Variants in MAGI1 observed in about 807,000 individuals in gnomAD.
MAGI1 encodes the protein membrane associated guanylate kinase, WW and PDZ domain containing 1.
Under a neutral mutation model 139.9 loss-of-function variants are expected in MAGI1, and 58 were observed. The ratio of observed to expected loss-of-function variants is 0.41; its 90% confidence interval spans 0.34 to 0.52. The LOEUF is 0.52. Among genes scored for constraint, MAGI1 ranks in the 20% least tolerant of loss-of-function variants. The pLI is 0.12. For missense variants in MAGI1, 1,874 were observed against 1,901.6 expected, an observed-to-expected ratio of 0.99 and a Z score of 0.27; for synonymous variants, 812 against 737.9, an observed-to-expected ratio of 1.10 and a Z score of -1.63.
intron 1 of MAGI1, among the ~76,000 whole-genome samples, chr3:65,757,180 T>C (rs1577018993): frequency 1.3e-5 from 2 of 152,210 alleles, no homozygotes; most frequent in Admixed American, 6.5e-5. Flanking sequence ...ATGTTAACTC[T>C]TTTAATTTTC....
chr3:65,784,480 G>A (rs1222027513), intron 1 of MAGI1, among the ~76,000 whole-genome samples: 1 of 152,230 alleles, frequency 6.6e-6, no homozygotes, highest in Non-Finnish European at 1.5e-5. Context: ...CACTTTGGGA[G>A]GCCGAGGCAG....
At chr3:65,716,458 G>C (rs1344412176) in intron 1 of MAGI1, among the ~76,000 whole-genome samples, 3 of 152,198 alleles carry the variant, frequency 2.0e-5, no homozygotes, top group Non-Finnish European at 2.9e-5. Flanking sequence ...ACAAAAATGA[G>C]GGGAAGGGAA....
At chr3:65,966,052 G>A (rs1394768615) in intron 1 of MAGI1, among the ~76,000 whole-genome samples, 1 of 152,160 alleles carries the variant, frequency 6.6e-6, no homozygotes, top group Non-Finnish European at 1.5e-5. Context: ...CTGGAGTGTG[G>A]TTTGTCCTCA....
intron 1 of MAGI1, among the ~76,000 whole-genome samples, chr3:65,883,320 C>T (rs1383747958): frequency 5.9e-5 from 9 of 152,182 alleles, no homozygotes; most frequent in Non-Finnish European, 1.3e-4. Context: ...ACAAAACCCT[C>T]CTCCACAGAA....
At chr3:66,005,545 A>C (rs781412851) in intron 1 of MAGI1, among the ~76,000 whole-genome samples, 1 of 152,060 alleles carries the variant, frequency 6.6e-6, no homozygotes, top group Non-Finnish European at 1.5e-5. Context: ...CTCACCCACT[A>C]AGAAAATCTT....
chr3:65,514,174 T>C (rs372557765), intron 2 of MAGI1, among the ~76,000 whole-genome samples: 17 of 151,294 alleles, frequency 1.1e-4, no homozygotes, highest in African/African-American at 4.1e-4. Flanking sequence ...GGATTAAAGA[T>C]TTAAACGTTA....
chr3:65,793,847 T>C lies in MAGI1; in HGVS notation c.314-171759A>G, dbSNP rs75228855. Among the ~76,000 whole-genome samples the C allele has an allele frequency of 5.5e-4, 84 of 152,360 alleles. 1 individual carries two copies. The highest frequency in any genetic ancestry group is 1.9e-3 in the African/African-American group (80 of 41,590). ...GCTATATCTCTGCACCAACATCATA[T>C]AGACAAAAACAACTCAATTTTCTGC... On this transcript the variant is annotated intron_variant, in intron 1 of 22. Coordinates refer to ENST00000402939, the MANE Select transcript of MAGI1 (RefSeq NM_001033057.2).
chr3:65,664,432 C>T (rs1250645164), intron 1 of MAGI1, among the ~76,000 whole-genome samples: 2 of 152,026 alleles, frequency 1.3e-5, no homozygotes, highest in Non-Finnish European at 2.9e-5. Context: ...TCGTAACAAC[C>T]CTACAAGGTA....
chr3:65,552,259 GGTGTGT>G lies in MAGI1; in HGVS notation c.431-58634_431-58629del, dbSNP rs10576104. Among the ~76,000 whole-genome samples, 1,468 of 147,986 alleles carry G rather than the reference GGTGTGT, an allele frequency of 9.9e-3. 20 individuals carry two copies. The highest frequency in any genetic ancestry group is 0.033 in the African/African-American group (1,311 of 40,266). On this transcript the variant is annotated intron_variant, in intron 2 of 22. Transcript: ENST00000402939. ...GGCTCAGCTCAGGAGTGTGTATAGG[GGTGTGT>G]GTGTGTGTGTGTGTGTGTGTGTGTC...
At chr3:65,697,111 C>A (rs556208525) in intron 1 of MAGI1, among the ~76,000 whole-genome samples, 18 of 152,230 alleles carry the variant, frequency 1.2e-4, no homozygotes, top group Admixed American at 9.2e-4. Context: ...CACAAATAAA[C>A]TAGAAAATCT....
chr3:65,572,339 G>T (rs892399400), intron 2 of MAGI1, among the ~76,000 whole-genome samples: 8 of 152,140 alleles, frequency 5.3e-5, no homozygotes, highest in Non-Finnish European at 8.8e-5. Context: ...GGCTAAGAGG[G>T]CAGTAAATGT....
intron 1 of MAGI1, among the ~76,000 whole-genome samples, chr3:65,762,721 T>C (rs912904297): frequency 5.2e-3 from 7 of 1,358 alleles, no homozygotes; most frequent in African/African-American, 5.5e-3. Flanking sequence ...TCTCATTGAA[T>C]TCTTACACCA....
chr3:65,912,943 T>C (rs891152778), intron 1 of MAGI1, among the ~76,000 whole-genome samples: 3 of 152,210 alleles, frequency 2.0e-5, no homozygotes, highest in African/African-American at 7.2e-5. Context: ...AAGAATAAAG[T>C]AAACTTTTAT....
intron 1 of MAGI1, among the ~76,000 whole-genome samples, chr3:65,810,217 T>A (rs758395431): frequency 6.6e-6 from 1 of 152,268 alleles, no homozygotes; most frequent in African/African-American, 2.4e-5. Flanking sequence ...TTTAGATACT[T>A]TGGCACATTG....
chr3:66,027,452 C>T (rs929970740), intron 1 of MAGI1, among the ~76,000 whole-genome samples: 27 of 152,100 alleles, frequency 1.8e-4, no homozygotes, highest in Non-Finnish European at 4.0e-4. Flanking sequence ...GGACTACAAG[C>T]ATGAACCACC....
At chr3:65,931,134 G>A (rs1463151218) in intron 1 of MAGI1, among the ~76,000 whole-genome samples, 1 of 151,918 alleles carries the variant, frequency 6.6e-6, no homozygotes, top group Non-Finnish European at 1.5e-5. Flanking sequence ...CCAGGTTCAA[G>A]CCATTCTCCT....
In MAGI1 at chr3:65,356,614, C is replaced by T. The variant is rs1940210628; in HGVS notation, c.4153G>A (p.Glu1385Lys). 1 of 1,593,606 alleles carries T rather than the reference C, an allele frequency of 6.3e-7. No homozygotes were observed. The highest frequency in any genetic ancestry group is 1.1e-5 in the South Asian group (1 of 89,088). ...TCGGGCGAGCCCCCTCTCCTGCGCTCGGGGGACCTCCTCTGCTCCAGGAGT... is the reference window on the plus strand; with the variant it reads ...TCGGGCGAGCCCCCTCTCCTGCGCTTGGGGGACCTCCTCTGCTCCAGGAGT... ...ERLLEQRRSP[E>K]RRRGGSPERR... is the part of the protein sequence containing the mutation. Residue 1385 changes from glutamate (E) to lysine (K), a missense_variant, in exon 23 of 23, where the codon GAG (glutamate) becomes AAG (lysine). Coordinates refer to ENST00000402939, the MANE Select transcript of MAGI1 (RefSeq NM_001033057.2).
chr3:65,904,301 T>C (rs913885998), intron 1 of MAGI1, among the ~76,000 whole-genome samples: 49 of 152,186 alleles, frequency 3.2e-4, no homozygotes, highest in African/African-American at 1.0e-3. Flanking sequence ...CTCTCAGGAT[T>C]AGAAGGGTGA....
intron 10 of MAGI1, among the ~76,000 whole-genome samples, chr3:65,436,588 T>C (rs1947871505): frequency 6.6e-6 from 1 of 152,206 alleles, no homozygotes. Flanking sequence ...TTTTCATTTA[T>C]AGGAAAGTCT....
Sources: allele counts gnomAD v4.1 joint callset (sites outside exome capture counted in the v4.1 genomes callset), GRCh38; gene constraint gnomAD v4.1.1; transcripts MANE v1.5; gene names NCBI Gene and HGNC (gene_info 2026-07-23, HGNC 2026-07-21).